AKT3: variants seen among roughly 807,000 people sequenced by gnomAD.
AKT3 encodes the protein RAC-gamma serine/threonine-protein kinase.
AKT3 carries 15 observed loss-of-function variants against 65.3 expected under a neutral mutation model. The ratio of observed to expected loss-of-function variants is 0.23; its 90% CI spans 0.15 to 0.35. The LOEUF (loss-of-function observed/expected upper bound fraction) is 0.35, where lower values mean the gene tolerates loss of function less well. AKT3 is among the 10% of genes least tolerant of loss of function. The pLI is 1.00. For missense variants in AKT3, 243 were observed against 576.5 expected (o/e 0.42, Z 5.92); for synonymous variants, 206 against 183.8 (o/e 1.12, Z -0.98).
chr1:243,499,875 C>T lies in AKT3; in HGVS notation c.*5374G>A. 3.1e-6 allele frequency: 4 copies of T among 1,289,330 alleles called. No individual in the cohort carries two copies. Among genetic ancestry groups the T allele is most frequent in the Non-Finnish European group, 2.2e-6 (2 of 898,996 alleles). The allele number at this position is 1,289,330 out of a possible 1,614,324, so 79.9% of individuals were successfully genotyped here. ...TTAATATGCCACAACGCACCACGAC[C>T]TTCCCAGGGTGACACCGCCTCAGCC... On this transcript the variant is annotated 3_prime_UTR_variant, in exon 14 of 14. Coordinates refer to ENST00000673466, the MANE Select transcript of AKT3 (RefSeq NM_005465.7).
chr1:243,517,687 C>A (rs1670453986), intron 12 of AKT3, among the ~76,000 whole-genome samples: 1 of 152,150 alleles, frequency 6.6e-6, no homozygotes, highest in African/African-American at 2.4e-5. Flanking sequence ...CTACTTATAT[C>A]TTACATTTAA....
chr1:243,680,256 G>T (rs1293039868), intron 3 of AKT3, among the ~76,000 whole-genome samples: 1 of 152,146 alleles, frequency 6.6e-6, no homozygotes, highest in African/African-American at 2.4e-5. Context: ...ATAGTTGGAA[G>T]ACTATTGTGC....
chr1:243,715,736 A>T lies in AKT3; in HGVS notation c.47-20020T>A, dbSNP rs564560229. Among the ~76,000 whole-genome samples the T allele has an allele frequency of 3.9e-5, 6 of 152,258 alleles. No homozygotes were observed. In the South Asian group the frequency reaches 1.2e-3, roughly 32 times the overall value. On this transcript the variant is annotated intron_variant, in intron 2 of 13. Transcript: ENST00000673466. The stretch of plus-strand genomic sequence containing the variant: ...AGAAACTTTTCATTATTTTGAAAAC[A>T]GGTTCAAAGGTGTTACCAAATGACT...
intron 6 of AKT3, 84 bp from the exon 7 acceptor site, chr1:243,615,245 G>T (rs1002440027): frequency 1.9e-6 from 2 of 1,061,264 alleles, no homozygotes; most frequent in South Asian, 3.2e-5. Context: ...AATTGGAAGA[G>T]GTTAAGCCCA....
intron 2 of AKT3, among the ~76,000 whole-genome samples, chr1:243,760,311 G>T (rs1228301850): frequency 1.6e-5 from 1 of 64,346 alleles, no homozygotes; most frequent in African/African-American, 5.9e-5. Context: ...TTTTGTCATG[G>T]AGACAGGATA....
At chr1:243,817,040 G>A (rs1212793122) in intron 2 of AKT3, among the ~76,000 whole-genome samples, 1 of 152,204 alleles carries the variant, frequency 6.6e-6, no homozygotes, top group Non-Finnish European at 1.5e-5. Context: ...ATTCTTAGAA[G>A]TTAGTAACAT....
chr1:243,493,541 T>C (rs1375083630), intron 13 of AKT3, among the ~76,000 whole-genome samples: 2 of 152,070 alleles, frequency 1.3e-5, no homozygotes. Flanking sequence ...CGTCGTATCC[T>C]GAGCAGGCTG....
intron 3 of AKT3, among the ~76,000 whole-genome samples, chr1:243,681,033 C>T (rs1164864322): frequency 6.6e-6 from 1 of 152,036 alleles, no homozygotes; most frequent in Non-Finnish European, 1.5e-5. Flanking sequence ...AGTCAGAGAT[C>T]CATTAGTTAA....
intron 4 of AKT3, among the ~76,000 whole-genome samples, chr1:243,659,987 G>A (rs1682162983): frequency 6.6e-6 from 1 of 151,916 alleles, no homozygotes; most frequent in African/African-American, 2.4e-5. Context: ...GGATGATGCT[G>A]GCCTCATAAA....
intron 6 of AKT3, among the ~76,000 whole-genome samples, chr1:243,635,089 T>C (rs1389847963): frequency 6.6e-6 from 1 of 151,906 alleles, no homozygotes; most frequent in Non-Finnish European, 1.5e-5. Flanking sequence ...AAAGTCTCAA[T>C]AAACTTTAAA....
intron 3 of AKT3, among the ~76,000 whole-genome samples, chr1:243,686,701 T>C (rs1209244216): frequency 3.2e-5 from 4 of 126,670 alleles, no homozygotes; most frequent in Non-Finnish European, 4.9e-5. Context: ...AAAGTCTTGC[T>C]CTGTCGCCAA....
Position 243,506,065 on chromosome 1 carries a change from G to C in AKT3, c.1355-731C>G, listed in dbSNP as rs76276485. Reference sequence around the variant, plus strand: ...AGCACCCTGTTCTCATAAATGTCCTGTGATGACAGTCCTGTGCTGTTGGAA... The same window carrying C: ...AGCACCCTGTTCTCATAAATGTCCTCTGATGACAGTCCTGTGCTGTTGGAA... On this transcript the variant is annotated intron_variant, in intron 13 of 13. Coordinates refer to ENST00000673466, the MANE Select transcript of AKT3 (RefSeq NM_005465.7). Among the ~76,000 whole-genome samples, 1,155 of 152,340 alleles carry C rather than the reference G, an allele frequency of 7.6e-3. 18 individuals are homozygous for C. The highest frequency in any genetic ancestry group is 0.026 in the African/African-American group (1,078 of 41,580).
At position 243,691,690 on chromosome 1, in the gene AKT3, G is replaced by C. The variant is rs1684702116; in HGVS notation, c.172+3901C>G. ...AACTCAGATACTGAGTACAAAGGAA[G>C]AAATAGACAAAATTATCTTGAGTTT... is the stretch of plus-strand genomic sequence containing the variant. On this transcript the variant is annotated intron_variant, in intron 3 of 13. Coordinates refer to ENST00000673466, the MANE Select transcript of AKT3 (RefSeq NM_005465.7). Among the ~76,000 whole-genome samples the C allele has an allele frequency of 2.0e-5, 3 of 152,170 alleles. No homozygotes were observed. In the South Asian group the frequency reaches 6.2e-4, roughly 32 times the overall value.
intron 8 of AKT3, among the ~76,000 whole-genome samples, chr1:243,593,459 C>G (rs747032695): frequency 5.9e-5 from 9 of 152,190 alleles, no homozygotes; most frequent in African/African-American, 1.9e-4. Flanking sequence ...GGCCTAGGTG[C>G]GTGGATCACT....
chr1:243,716,397 A>T (rs1686514934), intron 2 of AKT3, among the ~76,000 whole-genome samples: 1 of 152,214 alleles, frequency 6.6e-6, no homozygotes, highest in African/African-American at 2.4e-5. Context: ...AGCAGGTACC[A>T]AATACAATTT....
intron 2 of AKT3, among the ~76,000 whole-genome samples, chr1:243,750,259 A>G (rs1688720548): frequency 6.6e-6 from 1 of 152,078 alleles, no homozygotes; most frequent in African/African-American, 2.4e-5. Context: ...CACTGTCCCT[A>G]ATAAACCAAA....
downstream of AKT3, among the ~76,000 whole-genome samples, chr1:243,497,977 GTTGT>G (rs756182094): frequency 6.6e-6 from 1 of 152,144 alleles, no homozygotes; most frequent in Non-Finnish European, 1.5e-5. Context: ...CCACTGTTGG[GTTGT>G]TTTTCTTTTG....
chr1:243,674,083 T>C (rs528666562), intron 3 of AKT3, among the ~76,000 whole-genome samples: 10 of 152,296 alleles, frequency 6.6e-5, no homozygotes, highest in Non-Finnish European at 1.5e-4. Context: ...CTCAAATAAA[T>C]AAACAGAATG....
intron 5 of AKT3, among the ~76,000 whole-genome samples, chr1:243,638,600 AG>A (rs1292174264): frequency 2.6e-5 from 4 of 152,152 alleles, no homozygotes; most frequent in Non-Finnish European, 5.9e-5. Context: ...TCATATTAAT[AG>A]GTTTTTGAAG....
Sources: allele counts gnomAD v4.1 joint callset (sites outside exome capture counted in the v4.1 genomes callset), GRCh38; gene constraint gnomAD v4.1.1; transcripts MANE v1.5; gene names NCBI Gene and HGNC (gene_info 2026-07-23, HGNC 2026-07-21).